Variants in ANXA4 observed in about 807,000 individuals in gnomAD.
The protein encoded by ANXA4 is 35-beta calcimedin.
Under a neutral mutation model 49.8 loss-of-function variants are expected in ANXA4, and 39 were observed. That is an observed-to-expected ratio of 0.78 (90% CI 0.61 to 1.02). The LOEUF (loss-of-function observed/expected upper bound fraction) is 1.02. ANXA4 is among the 50% of genes least tolerant of loss of function. ANXA4 has a pLI of 0.00. For synonymous variants in ANXA4, 134 were observed against 152.5 expected, an observed-to-expected ratio of 0.88 and a Z score of 0.89; for missense variants, 360 against 410.1, an observed-to-expected ratio of 0.88 and a Z score of 1.05.
chr2:69,713,388 T>A (rs1678743004), intron 2 of ANXA4, among the ~76,000 whole-genome samples: 1 of 152,126 alleles, frequency 6.6e-6, no homozygotes. Flanking sequence ...AAGAAGCCAC[T>A]CTTATGTTCG....
At chr2:69,657,597 AT>A (rs1467293267) in intron 2 of ANXA4, among the ~76,000 whole-genome samples, 1 of 152,132 alleles carries the variant, frequency 6.6e-6, no homozygotes, top group African/African-American at 2.4e-5. Flanking sequence ...TAAAGTAATA[AT>A]TTTATGCTGG....
intron 3 of ANXA4, among the ~76,000 whole-genome samples, chr2:69,725,390 A>G (rs1046396038): frequency 6.7e-6 from 1 of 148,420 alleles, no homozygotes; most frequent in Admixed American, 6.8e-5. Flanking sequence ...TTATTTATAT[A>G]TAAATACATG....
intron 2 of ANXA4, among the ~76,000 whole-genome samples, chr2:69,658,039 C>A (rs1221316029): frequency 6.6e-6 from 1 of 151,882 alleles, no homozygotes; most frequent in Admixed American, 6.6e-5. Flanking sequence ...GTTTTATTCT[C>A]AAAAATTATT....
At chr2:69,691,152 C>A (rs532336169) in intron 2 of ANXA4, among the ~76,000 whole-genome samples, 132 of 151,378 alleles carry the variant, frequency 8.7e-4, no homozygotes, top group African/African-American at 3.0e-3. Flanking sequence ...TAAACGGAGC[C>A]TCTCTTTGTC....
chr2:69,685,106 C>T (rs572544568), intron 2 of ANXA4, among the ~76,000 whole-genome samples: 1 of 152,078 alleles, frequency 6.6e-6, no homozygotes, highest in African/African-American at 2.4e-5. Context: ...AAAGAGAAAG[C>T]AGAGCCAGAA....
At chr2:69,683,039 T>C (rs1223827150) in intron 2 of ANXA4, among the ~76,000 whole-genome samples, 1 of 152,244 alleles carries the variant, frequency 6.6e-6, no homozygotes, top group Admixed American at 6.5e-5. Flanking sequence ...AGTATTTGTC[T>C]ATATTTTTTT....
At chr2:69,697,005 C>T (rs1459205232) in intron 2 of ANXA4, among the ~76,000 whole-genome samples, 1 of 152,158 alleles carries the variant, frequency 6.6e-6, no homozygotes, top group Non-Finnish European at 1.5e-5. Context: ...GCACCATGTT[C>T]AACTTAAAGT....
chr2:69,733,878 A>G (rs1391222570), intron 3 of ANXA4, among the ~76,000 whole-genome samples: 3 of 151,222 alleles, frequency 2.0e-5, no homozygotes, highest in African/African-American at 7.3e-5. Context: ...AGTTCTATAT[A>G]ATTTTTTATG....
intron 1 of ANXA4, among the ~76,000 whole-genome samples, chr2:69,745,406 C>A (rs1670570139): frequency 6.6e-6 from 1 of 152,168 alleles, no homozygotes; most frequent in Non-Finnish European, 1.5e-5. Flanking sequence ...ATCTATAGTT[C>A]CCAAACTTCA....
chr2:69,725,275 G>A (rs1573151984), intron 3 of ANXA4, among the ~76,000 whole-genome samples: 1 of 150,714 alleles, frequency 6.6e-6, no homozygotes, highest in Non-Finnish European at 1.5e-5. Context: ...TAATCATTTC[G>A]GCATCTTTTT....
intron 1 of ANXA4, among the ~76,000 whole-genome samples, chr2:69,648,549 C>A (rs1464201121): frequency 6.6e-6 from 1 of 152,186 alleles, no homozygotes; most frequent in Non-Finnish European, 1.5e-5. Flanking sequence ...CTTGCCCAGG[C>A]ATGCTGGCTC....
At chr2:69,729,492 T>TATTG (rs1367697949) in intron 3 of ANXA4, among the ~76,000 whole-genome samples, 1 of 152,240 alleles carries the variant, frequency 6.6e-6, no homozygotes, top group Non-Finnish European at 1.5e-5. Flanking sequence ...TGTATGGCAA[T>TATTG]GTCTGGAGAC....
In ANXA4 at chr2:69,677,083, T is replaced by C. The variant is rs531604127; in HGVS notation, n.766+23801T>C. ...ATTCTACCTCAGCTTCCCAAAGTGT[T>C]GGGATTATAGGCGTGAGCCACCACA... is the stretch of plus-strand genomic sequence containing the variant. On this transcript the variant is annotated intron_variant and non_coding_transcript_variant, in intron 2 of 3. Coordinates refer to the ANXA4 transcript ENST00000418066. Among the ~76,000 whole-genome samples, 114 of 152,254 alleles carry C rather than the reference T, an allele frequency of 7.5e-4. 1 individual carries two copies. In the South Asian group the frequency reaches 0.012, roughly 17 times the overall value.
chr2:69,764,627 A>G (rs1671429038), intron 1 of ANXA4, among the ~76,000 whole-genome samples: 1 of 152,226 alleles, frequency 6.6e-6, no homozygotes, highest in Non-Finnish European at 1.5e-5. Context: ...GGTTAGTTTG[A>G]TGAGCCATCG....
chr2:69,813,414 AATT>A (rs1460619296), intron 8 of ANXA4, among the ~76,000 whole-genome samples: 3 of 151,960 alleles, frequency 2.0e-5, no homozygotes, highest in Non-Finnish European at 4.4e-5. Context: ...ATACCCGGCT[AATT>A]TTTTTCTATT....
At chr2:69,734,510 A>G (rs2105452651) in intron 3 of ANXA4, among the ~76,000 whole-genome samples, 1 of 152,332 alleles carries the variant, frequency 6.6e-6, no homozygotes, top group Non-Finnish European at 1.5e-5. Flanking sequence ...AATAACGTGG[A>G]CCTGACAAGC....
chr2:69,693,764 A>G (rs868092660), intron 2 of ANXA4, among the ~76,000 whole-genome samples: 63 of 152,204 alleles, frequency 4.1e-4, no homozygotes, highest in Middle Eastern at 3.2e-3. Flanking sequence ...AACAAGGGGC[A>G]GTAGCTATGG....
chr2:69,753,754 G>GCTA (rs61460253), intron 1 of ANXA4, among the ~76,000 whole-genome samples: 7,631 of 152,272 alleles, frequency 0.05, 619 homozygotes, highest in African/African-American at 0.17. Context: ...TCCTCCTGGG[G>GCTA]CTAGCCCCAC....
intron 3 of ANXA4, 21 bp downstream of exon 3, chr2:69,788,162 G>T: frequency 6.3e-7 from 1 of 1,599,362 alleles, no homozygotes; most frequent in South Asian, 1.1e-5. Context: ...TGCTGGAAGT[G>T]AATCCTCCTG....
Sources: gnomAD v4.1 joint callset for allele counts (sites outside exome capture counted in the v4.1 genomes callset) on GRCh38, gnomAD v4.1.1 for gene constraint, MANE v1.5 for transcripts, NCBI Gene and HGNC (gene_info 2026-07-23, HGNC 2026-07-21) for gene names.